MAL2: variants seen among roughly 807,000 people sequenced by gnomAD.
MAL2 encodes protein MAL2.
In MAL2, 17 loss-of-function variants were observed where a neutral mutation model predicts 18.1. The observed-to-expected ratio is 0.94, with a 90% CI of 0.64 to 1.41. The LOEUF (loss-of-function observed/expected upper bound fraction) is 1.41. Among genes scored for constraint, MAL2 ranks in the 40% most tolerant of loss-of-function variants. The probability of loss-of-function intolerance (pLI) is 0.00; values close to 1 mark genes in which losing one functional copy is unlikely to be tolerated. For missense variants in MAL2, 222 were observed against 231.9 expected (o/e 0.96, Z 0.28); for synonymous variants, 102 against 102.3 (o/e 1.00, Z 0.02).
At chr8:119,221,332 T>C (rs540179668) in intron 1 of MAL2, 81 of 410,196 alleles carry the variant, frequency 2.0e-4, no homozygotes, top group Non-Finnish European at 3.3e-4. Context: ...GTACATGGGT[T>C]GAAGAAGCGA....
intron 2 of MAL2, chr8:119,223,824 A>G (rs1490563668): frequency 6.6e-6 from 1 of 151,602 alleles, no homozygotes; most frequent in East Asian, 1.9e-4. Context: ...ATTATTATTC[A>G]GTCATTTTTT....
chr8:119,227,309 T>TTTG (rs553658976), intron 2 of MAL2, among the ~76,000 whole-genome samples: 4 of 152,138 alleles, frequency 2.6e-5, no homozygotes, highest in East Asian at 1.9e-4. Context: ...TTTTGTGCAT[T>TTTG]TTGTTGTTGT....
chr8:119,229,750 G>A (rs1329374692), intron 2 of MAL2, among the ~76,000 whole-genome samples: 3 of 152,172 alleles, frequency 2.0e-5, no homozygotes, highest in Admixed American at 6.5e-5. Context: ...TACAGCTGCT[G>A]TCCCTTTCAA....
In MAL2 at chr8:119,208,716, C is replaced by G. The variant is rs1817225131; in HGVS notation, c.132+112C>G. On this transcript the variant is annotated intron_variant, in intron 1 of 3. Coordinates refer to ENST00000614891, the MANE Select transcript of MAL2 (RefSeq NM_052886.3). The surrounding 1 kb of genome is among the most constrained non-coding windows in gnomAD (Gnocchi z 4.3). Reference sequence around the variant, plus strand: ...CCGCCCCCGGCCTCCTTCCCTTCGACGTGGCTTTGTCCTGCGCTCCCTCCC... The same window carrying G: ...CCGCCCCCGGCCTCCTTCCCTTCGAGGTGGCTTTGTCCTGCGCTCCCTCCC... The G allele has an allele frequency of 8.3e-7, 1 of 1,210,350 alleles. No homozygotes were observed. Among genetic ancestry groups the G allele is most frequent in the Non-Finnish European group, 1.0e-6 (1 of 973,350 alleles). The allele number at this position is 1,210,350 out of a possible 1,614,324, so 75.0% of individuals were successfully genotyped here.
intron 2 of MAL2, among the ~76,000 whole-genome samples, chr8:119,236,264 C>A (rs529665652): frequency 0.068 from 9,018 of 132,950 alleles, 922 homozygotes; most frequent in African/African-American, 0.24. Flanking sequence ...TATATATGCA[C>A]CCAATACAGG....
At position 119,243,791 on chromosome 8, in the gene MAL2, A is replaced by C; in HGVS notation, c.*303A>C. The C allele has an allele frequency of 4.4e-6, 1 of 226,494 alleles. No homozygotes were observed. The allele number at this position is 226,494 out of a possible 1,614,324, so 14.0% of individuals were successfully genotyped here. ...AAAATACAAATATATTGTTCATAAA[A>C]AATTAGTATCCCTTTTGTTTGGTTG... On this transcript the variant is annotated 3_prime_UTR_variant, in exon 4 of 4. Transcript: ENST00000614891.
In MAL2 at chr8:119,243,461, T is replaced by C. The variant is rs372371673; in HGVS notation, c.504T>C (p.Gly168=). The change falls in exon 4 of 4, where the codon GGT becomes GGC. Residue 168 remains glycine, a synonymous_variant. Coordinates refer to ENST00000614891, the MANE Select transcript of MAL2 (RefSeq NM_052886.3). ...MTTACYGCSL[G]LALRRWRP is the part of the protein sequence containing the mutation. The stretch of plus-strand genomic sequence containing the variant: ...CAGCTTGTTATGGTTGCAGTTTGGG[T>C]CTGGCTTTACGAAGATGGCGACCGT... 4.1e-5 allele frequency: 65 copies of C among 1,602,224 alleles called. No individual in the cohort carries two copies. The highest frequency in any genetic ancestry group is 6.8e-6 in the Non-Finnish European group (8 of 1,173,744).
chr8:119,234,893 A>G (rs1487384146), intron 2 of MAL2, among the ~76,000 whole-genome samples: 1 of 152,108 alleles, frequency 6.6e-6, no homozygotes, highest in Non-Finnish European at 1.5e-5. Flanking sequence ...ACTCTAAAAC[A>G]CAGAGCACCT....
intron 2 of MAL2, among the ~76,000 whole-genome samples, chr8:119,235,316 A>G (rs913112505): frequency 4.6e-5 from 7 of 152,212 alleles, no homozygotes; most frequent in East Asian, 1.9e-4. Context: ...GACCAAATCT[A>G]CGTCTGATTG....
In MAL2 at chr8:119,245,315, T is replaced by C. The variant is rs768271580; in HGVS notation, c.*1827T>C. 2 of 152,608 alleles carry C rather than the reference T, an allele frequency of 1.3e-5. No homozygotes were observed. Among genetic ancestry groups the C allele is most frequent in the Non-Finnish European group, 2.9e-5 (2 of 68,024 alleles). 9.5% of individuals were successfully genotyped at this position (152,608 alleles called of 1,614,324 possible). A position where few individuals can be genotyped will look rare whatever the true frequency, so the allele number is the denominator to read the frequency against. ...ACATTCTAGTTGGAATCGTTTACTCTGCTAGAATTTAGGTGTGAGATTTTT... is the reference window on the plus strand; with the variant it reads ...ACATTCTAGTTGGAATCGTTTACTCCGCTAGAATTTAGGTGTGAGATTTTT... On this transcript the variant is annotated 3_prime_UTR_variant, in exon 4 of 4. Coordinates refer to ENST00000614891, the MANE Select transcript of MAL2 (RefSeq NM_052886.3).
chr8:119,224,317 A>G (rs1817535864), intron 2 of MAL2: 1 of 152,054 alleles, frequency 6.6e-6, no homozygotes, highest in Non-Finnish European at 1.5e-5. Flanking sequence ...TTTTTTCTGG[A>G]GAGGAAAAAA....
chr8:119,235,648 A>G (rs1157943468), intron 2 of MAL2, among the ~76,000 whole-genome samples: 1 of 152,022 alleles, frequency 6.6e-6, no homozygotes, highest in South Asian at 2.1e-4. Context: ...AATATTCAAC[A>G]TTCTTAAAGA....
Position 119,243,531 on chromosome 8 carries a change from T to G in MAL2, c.*43T>G, listed in dbSNP as rs767550809. The G allele has an allele frequency of 1.3e-6, 2 of 1,517,560 alleles. No homozygotes were observed. The highest frequency in any genetic ancestry group is 8.9e-7 in the Non-Finnish European group (1 of 1,119,024). The allele number at this position is 1,517,560 out of a possible 1,614,324, so 94.0% of individuals were successfully genotyped here. On this transcript the variant is annotated 3_prime_UTR_variant, in exon 4 of 4. Transcript: ENST00000614891. The stretch of plus-strand genomic sequence containing the variant: ...CAGTCGTATGTTAGTTTCACTTGTC[T>G]ACTTTATATGTCTGATCAATTTGGA...
At chr8:119,221,041 TACTC>T (rs1422037092) in intron 1 of MAL2, 1 of 154,102 alleles carries the variant, frequency 6.5e-6, no homozygotes, top group African/African-American at 2.4e-5. Context: ...GAACACATAA[TACTC>T]AATAAATGAT....
chr8:119,240,194 C>T lies in MAL2; in HGVS notation c.333C>T (p.Val111=), dbSNP rs1818017578. Residue 111 remains valine, a synonymous_variant, in exon 3 of 4, where the codon GTC becomes GTT. Transcript: ENST00000614891. ...LDFAYHFTVF[V]FYFGAFLLEA... ...TTGCCTACCATTTTACAGTATTTGT[C>T]TTCTATTTTGGAGCCTTTTTATTGG... 6.2e-7 allele frequency: 1 copy of T among 1,613,076 alleles called. No homozygotes were observed. Among genetic ancestry groups the T allele is most frequent in the Non-Finnish European group, 8.5e-7 (1 of 1,179,540 alleles).
intron 2 of MAL2, among the ~76,000 whole-genome samples, chr8:119,239,953 G>T (rs375321730): frequency 5.3e-5 from 8 of 152,114 alleles, no homozygotes; most frequent in East Asian, 1.9e-4. Context: ...ATATGGAAAG[G>T]TTTACCAATG....
intron 2 of MAL2, among the ~76,000 whole-genome samples, chr8:119,234,368 A>G (rs1817823507): frequency 6.6e-6 from 1 of 152,194 alleles, no homozygotes; most frequent in African/African-American, 2.4e-5. Context: ...GCAAGGCGGC[A>G]ACAAGGCTGG....
chr8:119,208,721 C>T lies in MAL2; in HGVS notation c.132+117C>T. 8.2e-7 allele frequency: 1 copy of T among 1,212,814 alleles called. No individual in the cohort carries two copies. Among genetic ancestry groups the T allele is most frequent in the Non-Finnish European group, 1.0e-6 (1 of 974,710 alleles). The allele number at this position is 1,212,814 out of a possible 1,614,324, so 75.1% of individuals were successfully genotyped here. A position where few individuals can be genotyped will look rare whatever the true frequency, so the allele number is the denominator to read the frequency against. On this transcript the variant is annotated intron_variant, in intron 1 of 3. Transcript: ENST00000614891. This position sits in a 1 kb window ranked among gnomAD's most constrained non-coding sequence, Gnocchi z 4.3. ...CCCGGCCTCCTTCCCTTCGACGTGG[C>T]TTTGTCCTGCGCTCCCTCCCGGGGT...
chr8:119,232,419 G>A (rs540746371), intron 2 of MAL2, among the ~76,000 whole-genome samples: 3 of 152,160 alleles, frequency 2.0e-5, no homozygotes, highest in African/African-American at 4.8e-5. Flanking sequence ...TGCACATAAG[G>A]TACCTGATAT....
Sources: gnomAD v4.1 joint callset for allele counts (sites outside exome capture counted in the v4.1 genomes callset) on GRCh38, gnomAD v4.1.1 for gene constraint, Gnocchi (gnomAD v3.1) non-coding constraint, MANE v1.5 for transcripts, NCBI Gene and HGNC (gene_info 2026-07-23, HGNC 2026-07-21) for gene names.